The following ACACA variants were observed in gnomAD, a reference collection of about 807,000 sequenced individuals.
ACACA encodes the protein acetyl-CoA carboxylase alpha.
In ACACA, 103 loss-of-function variants were observed where a neutral mutation model predicts 296.1. The observed-to-expected ratio is 0.35, with a 90% CI of 0.30 to 0.41. The LOEUF (loss-of-function observed/expected upper bound fraction) is 0.41. Among genes scored for constraint, ACACA ranks in the 10% least tolerant of loss-of-function variants. The pLI is 1.00. For missense variants in ACACA, 1,554 were observed against 2,989.7 expected, an observed-to-expected ratio of 0.52 and a Z score of 11.20; for synonymous variants, 953 against 1,038.6, an observed-to-expected ratio of 0.92 and a Z score of 1.58.
chr17:37,086,593 A>T lies in ACACA; in HGVS notation c.*723T>A, dbSNP rs1031123945. 1 of 152,724 alleles carries T rather than the reference A, an allele frequency of 6.5e-6. No individual in the cohort carries two copies. Among genetic ancestry groups the T allele is most frequent in the African/African-American group, 2.4e-5 (1 of 41,440 alleles). 9.5% of individuals were successfully genotyped at this position (152,724 alleles called of 1,614,324 possible). A position where few individuals can be genotyped will look rare whatever the true frequency, so the allele number is the denominator to read the frequency against. ...ACGTGCAGGCGAGAGGCAGGCCAAC[A>T]ACTACCTTTCCCTTTGTCCTCAGAG... On this transcript the variant is annotated 3_prime_UTR_variant, in exon 56 of 56. Coordinates refer to ENST00000616317, the MANE Select transcript of ACACA (RefSeq NM_198834.3).
chr17:37,243,337 G>C (rs1418714115), intron 22 of ACACA, 34 bp downstream of exon 22: 1 of 1,597,836 alleles, frequency 6.3e-7, no homozygotes, highest in East Asian at 2.2e-5. Context: ...GGCATTGGTA[G>C]CCAGAAAAAA....
chr17:37,154,504 T>C (rs1306133438), intron 43 of ACACA, among the ~76,000 whole-genome samples: 3 of 152,138 alleles, frequency 2.0e-5, no homozygotes, highest in Non-Finnish European at 2.9e-5. Context: ...ACTTTTTTTT[T>C]TCTTTTTTTT....
chr17:37,299,499 A>G lies in ACACA; in HGVS notation c.339-14529T>C, dbSNP rs555233137. ...AGAATACTCCTGATGGCCTCAAACT[A>G]TAGTCTTTTTGTCTAATTGTTCCCA... On this transcript the variant is annotated intron_variant, in intron 3 of 55. Coordinates refer to ENST00000616317, the MANE Select transcript of ACACA (RefSeq NM_198834.3). The G allele has an allele frequency of 2.0e-6, 3 of 1,470,254 alleles. No individual in the cohort carries two copies. In the African/African-American group the frequency reaches 4.3e-5, roughly 21 times the overall value. The allele number at this position is 1,470,254 out of a possible 1,614,324, so 91.1% of individuals were successfully genotyped here. A position where few individuals can be genotyped will look rare whatever the true frequency, so the allele number is the denominator to read the frequency against.
At chr17:37,278,806 T>TTA in intron 5 of ACACA, among the ~76,000 whole-genome samples, 1 of 152,314 alleles carries the variant, frequency 6.6e-6, no homozygotes, top group Non-Finnish European at 1.5e-5. Flanking sequence ...TAAATTTATT[T>TTA]TAGCTTTCAA....
intron 2 of ACACA, among the ~76,000 whole-genome samples, chr17:37,330,856 T>C (rs548843989): frequency 6.6e-6 from 1 of 152,292 alleles, no homozygotes; most frequent in East Asian, 1.9e-4. Flanking sequence ...ATATTTAAAC[T>C]ACATAATGCT....
At chr17:37,129,642 G>T (rs2074994564) in intron 46 of ACACA, among the ~76,000 whole-genome samples, 157 bp from the exon 47 acceptor site, 1 of 152,190 alleles carries the variant, frequency 6.6e-6, no homozygotes, top group Non-Finnish European at 1.5e-5. Flanking sequence ...GTATGTGCCA[G>T]GCCCCAAGGA....
rs1156553256 is a variant in ACACA at position 37,325,579 on chromosome 17, CTTT to C, written c.338+4591_338+4593del. ...CTTAGGGTCTTATTTTCTTTTCTTT[CTTT>C]TTTTTTTTTTTTTTTTTTTTTTGCT... On this transcript the variant is annotated intron_variant, in intron 3 of 55. Transcript: ENST00000616317. Among the ~76,000 whole-genome samples, 275 of 67,872 alleles carry C rather than the reference CTTT, an allele frequency of 4.1e-3. 1 individual carries two copies. The highest frequency in any genetic ancestry group is 0.018 in the African/African-American group (254 of 14,396). The allele number at this position is 67,872 out of a possible 152,430, so 44.5% of individuals were successfully genotyped here.
At chr17:37,105,944 C>T (rs535079546) in intron 52 of ACACA, among the ~76,000 whole-genome samples, 1 of 151,214 alleles carries the variant, frequency 6.6e-6, no homozygotes, top group South Asian at 2.1e-4. Flanking sequence ...GAGATAAGAA[C>T]AAGACCACCC....
At chr17:37,133,036 A>G (rs2075174756) in intron 45 of ACACA, among the ~76,000 whole-genome samples, 1 of 152,350 alleles carries the variant, frequency 6.6e-6, no homozygotes, top group South Asian at 2.1e-4. Flanking sequence ...ACCAGGGCTT[A>G]ACATACCAAG....
At chr17:37,172,880 C>T (rs1192819456) in intron 41 of ACACA, among the ~76,000 whole-genome samples, 1 of 152,148 alleles carries the variant, frequency 6.6e-6, no homozygotes, top group Non-Finnish European at 1.5e-5. Flanking sequence ...AGACCATGGT[C>T]CTGTTTTACA....
intron 24 of ACACA, among the ~76,000 whole-genome samples, chr17:37,239,059 C>A (rs2080260131): frequency 6.6e-6 from 1 of 152,026 alleles, no homozygotes; most frequent in Non-Finnish European, 1.5e-5. Context: ...AAACTCCTGG[C>A]CTCAAGCAAT....
At chr17:37,277,246 C>T in intron 6 of ACACA, 132 bp from the exon 7 acceptor site, 1 of 787,052 alleles carries the variant, frequency 1.3e-6, no homozygotes, top group South Asian at 1.5e-5. Flanking sequence ...CTTAATTCAG[C>T]TTCTATGCTT....
chr17:37,339,429 A>G (rs2048285721), intron 2 of ACACA, among the ~76,000 whole-genome samples: 1 of 152,250 alleles, frequency 6.6e-6, no homozygotes, highest in Admixed American at 6.5e-5. Context: ...ACGGTTACAT[A>G]GATTGGAGGC....
intron 29 of ACACA, among the ~76,000 whole-genome samples, chr17:37,211,654 T>C (rs1294328505): frequency 6.6e-6 from 1 of 152,082 alleles, no homozygotes; most frequent in African/African-American, 2.4e-5. Flanking sequence ...GAAAGGAAGA[T>C]AGAGGGAGGA....
intron 1 of ACACA, among the ~76,000 whole-genome samples, chr17:37,357,329 C>T (rs1402201591): frequency 6.6e-6 from 1 of 152,002 alleles, no homozygotes; most frequent in Non-Finnish European, 1.5e-5. Flanking sequence ...CCTGTCTCTA[C>T]CGAAAATACA....
intron 5 of ACACA, among the ~76,000 whole-genome samples, chr17:37,280,372 C>T (rs998442964): frequency 6.6e-6 from 1 of 152,064 alleles, no homozygotes; most frequent in Admixed American, 6.6e-5. Flanking sequence ...CTATGCCCAG[C>T]TAATTTTTGC....
intron 33 of ACACA, among the ~76,000 whole-genome samples, chr17:37,205,055 T>C (rs910925176): frequency 5.3e-5 from 8 of 151,838 alleles, no homozygotes; most frequent in African/African-American, 1.9e-4. Flanking sequence ...ATTTTAAAAC[T>C]GGAAAGAAGA....
chr17:37,376,005 T>G, intron 1 of ACACA: 2 of 1,138,698 alleles, frequency 1.8e-6, no homozygotes, highest in Non-Finnish European at 2.6e-6. Context: ...TCCAGCTGCG[T>G]GTGGTGAAAG....
intron 3 of ACACA, among the ~76,000 whole-genome samples, chr17:37,314,105 T>TG: frequency 1.6e-5 from 1 of 63,600 alleles, no homozygotes; most frequent in East Asian, 4.2e-4. Context: ...CTATATATTC[T>TG]TTTTTTTTTT....
Sources: allele counts gnomAD v4.1 joint callset (sites outside exome capture counted in the v4.1 genomes callset), GRCh38; gene constraint gnomAD v4.1.1; transcripts MANE v1.5; gene names NCBI Gene and HGNC (gene_info 2026-07-23, HGNC 2026-07-21).